Variants in OPHN1 observed in about 807,000 individuals in gnomAD.
The protein encoded by OPHN1 is oligophrenin-1.
Under a neutral mutation model 60.7 loss-of-function variants are expected in OPHN1, and 11 were observed. The ratio of observed to expected loss-of-function variants is 0.18; its 90% confidence interval spans 0.11 to 0.30. The LOEUF is 0.30. Ranked by LOEUF, OPHN1 falls within the 10% of genes least tolerant of loss-of-function variation. The pLI is 1.00. For missense variants in OPHN1, 449 were observed against 611.0 expected (o/e 0.73, Z 2.80); for synonymous variants, 226 against 222.6 (o/e 1.02, Z -0.14).
intron 15 of OPHN1, among the ~76,000 whole-genome samples, chrX:68,172,744 T>G (rs2077397248): frequency 9.0e-6 from 1 of 111,605 alleles, no homozygotes; most frequent in Non-Finnish European, 1.9e-5. Context: ...GGTACAAGAA[T>G]GCTCATAGCA....
At position 68,251,664 on chromosome X, in the gene OPHN1, C is replaced by G. The variant is rs188158531; in HGVS notation, c.385-17076G>C. On this transcript the variant is annotated intron_variant, in intron 5 of 24. Coordinates refer to ENST00000355520, the MANE Select transcript of OPHN1 (RefSeq NM_002547.3). ...TATAAGATGAAGACATCACATGGAC[C>G]CTTAATGCTCAAATATCAAGGAAAA... Among the ~76,000 whole-genome samples, 77 of 110,945 alleles carry G rather than the reference C, an allele frequency of 6.9e-4. 1 individual carries two copies. In the East Asian group the frequency reaches 0.017, roughly 25 times the overall value.
intron 2 of OPHN1, among the ~76,000 whole-genome samples, chrX:68,391,885 C>A (rs766257476): frequency 9.0e-6 from 1 of 111,317 alleles, no homozygotes; most frequent in Non-Finnish European, 1.9e-5. Flanking sequence ...GGTTCTCCCC[C>A]CAGAGCCTCG....
chrX:68,337,290 T>C (rs2147685776), intron 2 of OPHN1, among the ~76,000 whole-genome samples: 1 of 111,586 alleles, frequency 9.0e-6, no homozygotes, highest in Admixed American at 9.7e-5. Flanking sequence ...CAAAAACCTC[T>C]AGGATAATTA....
rs35536405 is a variant in OPHN1, at chrX:68,075,779, C to CA, written c.1687-2481dup. Among the ~76,000 whole-genome samples, 375 of 39,764 alleles carry CA rather than the reference C, an allele frequency of 9.4e-3. 8 individuals are homozygous for CA. Among genetic ancestry groups the CA allele is most frequent in the South Asian group, 0.027 (12 of 441 alleles). 34.5% of individuals were successfully genotyped at this position (39,764 alleles called of 115,157 possible). Reference sequence around the variant, plus strand: ...ACTGGAACAATGTGATATACATAGGCAAAAAAAAAAAAAAAAAAAAAACTT... The same window carrying CA: ...ACTGGAACAATGTGATATACATAGGCAAAAAAAAAAAAAAAAAAAAAAACTT... On this transcript the variant is annotated intron_variant, in intron 19 of 24. Transcript: ENST00000355520.
chrX:68,164,172 T>C (rs765036584), intron 15 of OPHN1, among the ~76,000 whole-genome samples: 1 of 111,474 alleles, frequency 9.0e-6, no homozygotes, highest in African/African-American at 3.3e-5. Flanking sequence ...AAAGCACTCA[T>C]AGTGTAATAG....
intron 4 of OPHN1, among the ~76,000 whole-genome samples, chrX:68,282,555 G>C (rs1270378021): frequency 8.0e-5 from 9 of 111,807 alleles, no homozygotes; most frequent in African/African-American, 2.9e-4. Context: ...ATGAACTTTA[G>C]TTAATAATAT....
chrX:68,169,302 C>T (rs183785385), intron 15 of OPHN1, among the ~76,000 whole-genome samples: 2 of 111,230 alleles, frequency 1.8e-5, no homozygotes, highest in East Asian at 5.6e-4. Context: ...AATGGAAGAA[C>T]ATTCCATGCT....
intron 6 of OPHN1, among the ~76,000 whole-genome samples, chrX:68,230,240 C>T (rs1214127346): frequency 1.8e-5 from 2 of 111,098 alleles, no homozygotes; most frequent in African/African-American, 3.3e-5. Context: ...GTTAGAATGG[C>T]AATCATTAAA....
intron 18 of OPHN1, among the ~76,000 whole-genome samples, chrX:68,103,280 A>T (rs1279741874): frequency 8.9e-6 from 1 of 112,451 alleles, no homozygotes; most frequent in Admixed American, 9.4e-5. Flanking sequence ...CAAAAACCAC[A>T]TAATTATCTC....
At chrX:68,294,471 C>CAA (rs2078084858) in intron 3 of OPHN1, among the ~76,000 whole-genome samples, 1 of 38,108 alleles carries the variant, frequency 2.6e-5, no homozygotes, top group African/African-American at 1.4e-4. Flanking sequence ...GAGACTCTAT[C>CAA]ACAAAAAAAA....
At chrX:68,248,763 T>A (rs1480546037) in intron 5 of OPHN1, among the ~76,000 whole-genome samples, 1 of 111,963 alleles carries the variant, frequency 8.9e-6, no homozygotes, top group Non-Finnish European at 1.9e-5. Context: ...TATTCAGCCA[T>A]AAAAAAGAAT....
intron 11 of OPHN1, among the ~76,000 whole-genome samples, chrX:68,198,598 C>T (rs1420191347): frequency 9.0e-6 from 1 of 111,587 alleles, no homozygotes; most frequent in Non-Finnish European, 1.9e-5. Context: ...TATAAAGTCT[C>T]CTTGCATTCT....
chrX:68,140,050 C>A (rs1222154045), intron 15 of OPHN1, among the ~76,000 whole-genome samples: 2 of 112,262 alleles, frequency 1.8e-5, no homozygotes, highest in African/African-American at 6.5e-5. Context: ...ACTTGCTATA[C>A]ATAATTCATT....
intron 5 of OPHN1, among the ~76,000 whole-genome samples, chrX:68,256,731 T>C (rs895603110): frequency 8.0e-5 from 9 of 111,959 alleles, no homozygotes; most frequent in African/African-American, 2.6e-4. Flanking sequence ...ATTTTGTTTT[T>C]AGACATAATG....
intron 15 of OPHN1, chrX:68,133,308 A>G: frequency 1.6e-6 from 1 of 622,781 alleles, no homozygotes; most frequent in Admixed American, 2.3e-5. Flanking sequence ...GACTATGAAG[A>G]CAAGATTCAG....
intron 19 of OPHN1, among the ~76,000 whole-genome samples, chrX:68,093,861 CT>C (rs981107642): frequency 1.8e-5 from 2 of 109,770 alleles, no homozygotes; most frequent in Non-Finnish European, 3.8e-5. Context: ...ATCTCGGTAG[CT>C]TTTTTTTCCA....
intron 3 of OPHN1, among the ~76,000 whole-genome samples, chrX:68,286,714 G>A (rs900047903): frequency 9.0e-6 from 1 of 111,630 alleles, no homozygotes; most frequent in Admixed American, 9.5e-5. Flanking sequence ...GCCACTGAAT[G>A]GTTTTAGAAA....
chrX:68,174,982 G>T, intron 15 of OPHN1, among the ~76,000 whole-genome samples: 1 of 109,818 alleles, frequency 9.1e-6, no homozygotes, highest in East Asian at 2.9e-4. Flanking sequence ...TACTCAGGAG[G>T]CTGAGGCAGG....
intron 2 of OPHN1, among the ~76,000 whole-genome samples, chrX:68,422,190 C>G (rs911510694): frequency 9.0e-6 from 1 of 110,845 alleles, no homozygotes; most frequent in Non-Finnish European, 1.9e-5. Flanking sequence ...TCATTTCAAA[C>G]AAAAGCACCC....
Sources: gnomAD v4.1 joint callset for allele counts (sites outside exome capture counted in the v4.1 genomes callset) on GRCh38, gnomAD v4.1.1 for gene constraint, MANE v1.5 for transcripts, NCBI Gene and HGNC (gene_info 2026-07-23, HGNC 2026-07-21) for gene names.